Variants in THUMPD3 observed in about 807,000 individuals in gnomAD.
The protein encoded by THUMPD3 is tRNA (guanine(6)-N(2))-methyltransferase THUMP3.
In THUMPD3, 44 loss-of-function variants were observed where a neutral mutation model predicts 54.5. That is an observed-to-expected ratio of 0.81 (90% CI 0.63 to 1.04). The LOEUF (loss-of-function observed/expected upper bound fraction) is 1.04, where lower values mean the gene tolerates loss of function less well. THUMPD3 is among the 50% of genes least tolerant of loss of function. The pLI, the probability that THUMPD3 is intolerant of heterozygous loss-of-function variation, is 0.00. For missense variants in THUMPD3, 604 were observed against 601.3 expected, an observed-to-expected ratio of 1.00 and a Z score of -0.05; for synonymous variants, 196 against 201.4, an observed-to-expected ratio of 0.97 and a Z score of 0.23.
In THUMPD3 at chr3:9,384,632, G is replaced by C. The variant is rs748706272; in HGVS notation, c.1468G>C (p.Val490Leu). The C allele has an allele frequency of 4.3e-6, 7 of 1,614,162 alleles. No individual in the cohort carries two copies. Among genetic ancestry groups the C allele is most frequent in the South Asian group, 1.1e-5 (1 of 91,086 alleles). The part of the protein sequence containing the change: ...YVLIRTPQAF[V>L]HPSEQDGERG... ...TCTGATACGTACACCTCAAGCTTTTGTTCATCCTTCAGAACAAGACGGAGA... is the reference window on the plus strand; with the variant it reads ...TCTGATACGTACACCTCAAGCTTTTCTTCATCCTTCAGAACAAGACGGAGA... Residue 490 changes from valine to leucine, a missense_variant, in exon 10 of 10, where the codon GTT becomes CTT. Val to Leu is a conservative substitution (Grantham distance 32, BLOSUM62 1). Coordinates refer to ENST00000452837, the MANE Select transcript of THUMPD3 (RefSeq NM_001114092.2).
chr3:9,368,052 G>A (rs1354895164), intron 3 of THUMPD3, among the ~76,000 whole-genome samples: 1 of 151,820 alleles, frequency 6.6e-6, no homozygotes, highest in East Asian at 1.9e-4. Flanking sequence ...GCGACAGAGC[G>A]AGACTCCATC....
intron 7 of THUMPD3, chr3:9,382,998 A>G: frequency 2.2e-6 from 1 of 454,512 alleles, no homozygotes; most frequent in Non-Finnish European, 4.0e-6. Flanking sequence ...GAAAGTGCTG[A>G]TTATAGGCAC....
chr3:9,378,008 A>G (rs2032611460), intron 6 of THUMPD3, 120 bp downstream of exon 6: 5 of 764,010 alleles, frequency 6.5e-6, no homozygotes, highest in Non-Finnish European at 1.1e-5. Context: ...AGAGTTTTAA[A>G]ACAATTAACA....
rs745785353 is a variant in THUMPD3, at chr3:9,380,468, CTACTTTTGTTTTAACA to C, written c.1009-31_1009-16del. 1 of 1,385,960 alleles carries C rather than the reference CTACTTTTGTTTTAACA, an allele frequency of 7.2e-7. No homozygotes were observed. Among genetic ancestry groups the C allele is most frequent in the African/African-American group, 1.4e-5 (1 of 69,512 alleles). The allele number at this position is 1,385,960 out of a possible 1,614,324, so 85.9% of individuals were successfully genotyped here. On this transcript the variant is annotated intron_variant, in intron 6 of 9. Coordinates refer to ENST00000452837, the MANE Select transcript of THUMPD3 (RefSeq NM_001114092.2). ...CAATTTAATCATATTTTACAGTTTG[CTACTTTTGTTTTAACA>C]TACACTCTTATCTTTTAGGGGGCCA...
Position 9,384,881 on chromosome 3 carries a change from C to A in THUMPD3, c.*193C>A, listed in dbSNP as rs1449187239. The A allele has an allele frequency of 1.6e-6, 1 of 617,076 alleles. No homozygotes were observed. The highest frequency in any genetic ancestry group is 2.7e-6 in the Non-Finnish European group (1 of 366,514). The allele number at this position is 617,076 out of a possible 1,614,324, so 38.2% of individuals were successfully genotyped here. On this transcript the variant is annotated 3_prime_UTR_variant, in exon 10 of 10. Transcript: ENST00000452837. The stretch of plus-strand genomic sequence containing the variant: ...TTTTATGAGACCAGGCACAGTGGCT[C>A]ACGACTGTAATTCCAGCAGTTTAGG...
intron 8 of THUMPD3, 72 bp from the exon 9 acceptor site, chr3:9,384,138 CTG>C (rs1336968880): frequency 1.1e-5 from 16 of 1,518,706 alleles, no homozygotes; most frequent in African/African-American, 2.8e-5. Flanking sequence ...ATGCATGAAA[CTG>C]TTTTTGTTTC....
chr3:9,374,462 A>G, intron 4 of THUMPD3, 54 bp from the exon 5 acceptor site: 5 of 1,596,630 alleles, frequency 3.1e-6, no homozygotes, highest in Non-Finnish European at 4.3e-6. Flanking sequence ...TCTTATTACT[A>G]AGCGCAGTTT....
At chr3:9,371,609 T>C in intron 4 of THUMPD3, 73 bp downstream of exon 4, 1 of 1,257,298 alleles carries the variant, frequency 8.0e-7, no homozygotes, top group Non-Finnish European at 1.1e-6. Context: ...ACTAACCCAA[T>C]GTTATGCACA....
At chr3:9,372,101 T>C (rs764505626) in intron 4 of THUMPD3, among the ~76,000 whole-genome samples, 2 of 152,186 alleles carry the variant, frequency 1.3e-5, no homozygotes, top group Non-Finnish European at 2.9e-5. Context: ...GGTCTCAAAC[T>C]CCTGTAGTGA....
chr3:9,371,051 C>T lies in THUMPD3; in HGVS notation c.331-9C>T. The T allele has an allele frequency of 6.5e-7, 1 of 1,538,612 alleles. No individual in the cohort carries two copies. On this transcript the variant is annotated splice_polypyrimidine_tract_variant and intron_variant, in intron 3 of 9. Coordinates refer to ENST00000452837, the MANE Select transcript of THUMPD3 (RefSeq NM_001114092.2). ...GAAATGAATGAATTTCTTTCTCTGT[C>T]CTTTACAGGAAGAAGTTCTAAAGGA...
intron 5 of THUMPD3, among the ~76,000 whole-genome samples, chr3:9,376,471 G>A (rs1575071607): frequency 1.3e-5 from 2 of 152,278 alleles, no homozygotes; most frequent in South Asian, 2.1e-4. Context: ...GATGGACATT[G>A]TTTTGGTCAG....
chr3:9,379,604 T>TG (rs2032723148), intron 6 of THUMPD3, among the ~76,000 whole-genome samples: 2 of 152,254 alleles, frequency 1.3e-5, no homozygotes, highest in Non-Finnish European at 2.9e-5. Context: ...ATTTATGTTC[T>TG]GCTGACAGGT....
At chr3:9,372,364 G>A (rs1316972530) in intron 4 of THUMPD3, among the ~76,000 whole-genome samples, 2 of 152,114 alleles carry the variant, frequency 1.3e-5, no homozygotes, top group Non-Finnish European at 2.9e-5. Context: ...TGGATCACTT[G>A]AGGTCAGGAA....
At chr3:9,368,768 G>A (rs942053238) in intron 3 of THUMPD3, among the ~76,000 whole-genome samples, 21 of 152,342 alleles carry the variant, frequency 1.4e-4, no homozygotes, top group African/African-American at 4.3e-4. Flanking sequence ...AATGGATATA[G>A]AGTGAAAAGT....
In THUMPD3 at chr3:9,365,220, C is replaced by G. The variant is rs1296225674; in HGVS notation, c.152C>G (p.Thr51Arg). 1 of 1,614,192 alleles carries G rather than the reference C, an allele frequency of 6.2e-7. No homozygotes were observed. The highest frequency in any genetic ancestry group is 1.3e-5 in the African/African-American group (1 of 75,038). Residue 51 changes from threonine to arginine, a missense_variant, in exon 2 of 10, where the codon ACA becomes AGA. Physicochemically the swap from Thr to Arg is moderately conservative, Grantham distance 71 (BLOSUM62 -1). Transcript: ENST00000452837. ...ACTGTACCTACTGGCTTTGAGCAAA[C>G]AGCTGCAGATGAAGTCAGAGAGAAA... Reference protein sequence around the residue: ...GATVPTGFEQTAADEVREKLG... With the variant: ...GATVPTGFEQRAADEVREKLG...
intron 3 of THUMPD3, among the ~76,000 whole-genome samples, chr3:9,369,574 G>T (rs987478262): frequency 6.6e-6 from 1 of 152,158 alleles, no homozygotes; most frequent in African/African-American, 2.4e-5. Flanking sequence ...TGGACTTTGA[G>T]ATTAGGAATG....
At chr3:9,373,590 G>A (rs2125319915) in intron 4 of THUMPD3, among the ~76,000 whole-genome samples, 1 of 152,300 alleles carries the variant, frequency 6.6e-6, no homozygotes, top group East Asian at 1.9e-4. Flanking sequence ...ATGAGATGAG[G>A]CCATGTATGT....
chr3:9,368,651 G>A (rs1487123633), intron 3 of THUMPD3, among the ~76,000 whole-genome samples: 1 of 152,082 alleles, frequency 6.6e-6, no homozygotes, highest in Admixed American at 6.6e-5. Context: ...GTAAGCCACC[G>A]CGCCTGGCCT....
intron 5 of THUMPD3, among the ~76,000 whole-genome samples, chr3:9,375,334 A>G (rs1408608843): frequency 6.6e-6 from 1 of 152,218 alleles, no homozygotes; most frequent in African/African-American, 2.4e-5. Context: ...AAATGAACAG[A>G]AAGAGCTTTT....
Sources: gnomAD v4.1 joint callset for allele counts (sites outside exome capture counted in the v4.1 genomes callset) on GRCh38, gnomAD v4.1.1 for gene constraint, MANE v1.5 for transcripts, NCBI Gene and HGNC (gene_info 2026-07-23, HGNC 2026-07-21) for gene names.